The following CSMD1 variants were observed in gnomAD, a reference collection of about 807,000 sequenced individuals.
CSMD1 encodes the protein CUB and sushi domain-containing protein 1.
Under a neutral mutation model 417.5 loss-of-function variants are expected in CSMD1, and 213 were observed. That is an observed-to-expected ratio of 0.51 (90% CI 0.46 to 0.57). The LOEUF (loss-of-function observed/expected upper bound fraction) is 0.57. CSMD1 is among the 20% of genes least tolerant of loss of function. The pLI, the probability that CSMD1 is intolerant of heterozygous loss-of-function variation, is 0.00. For missense variants in CSMD1, 6,923 were observed against 4,529.7 expected (o/e 1.53, Z -15.17); for synonymous variants, 2,862 against 1,736.8 (o/e 1.65, Z -16.11).
intron 3 of CSMD1, among the ~76,000 whole-genome samples, chr8:4,146,792 T>C (rs1804163296): frequency 6.7e-6 from 1 of 149,482 alleles, no homozygotes; most frequent in Non-Finnish European, 1.5e-5. Flanking sequence ...TTTGTATTTT[T>C]AGTAGAGACG....
chr8:3,984,957 T>G (rs973441026), intron 5 of CSMD1, among the ~76,000 whole-genome samples: 1 of 152,000 alleles, frequency 6.6e-6, no homozygotes, highest in Non-Finnish European at 1.5e-5. Context: ...ACTTTAGAAT[T>G]TGGTGAAGAC....
At chr8:3,101,964 G>C (rs1013224715) in intron 46 of CSMD1, among the ~76,000 whole-genome samples, 7 of 151,854 alleles carry the variant, frequency 4.6e-5, no homozygotes, top group Non-Finnish European at 8.8e-5. Flanking sequence ...ACCACATCTG[G>C]CTAATTTTTG....
chr8:3,805,571 G>A lies in CSMD1; in HGVS notation c.819-51529C>T, dbSNP rs189220295. ...ATTTTTTGTTTGTTTGCAAGAAACAGGTGAAACCTTTCTGAATCAGTTTTC... is the reference window on the plus strand; with the variant it reads ...ATTTTTTGTTTGTTTGCAAGAAACAAGTGAAACCTTTCTGAATCAGTTTTC... On this transcript the variant is annotated intron_variant, in intron 5 of 69. Coordinates refer to ENST00000635120, the MANE Select transcript of CSMD1 (RefSeq NM_033225.6). Among the ~76,000 whole-genome samples the A allele has an allele frequency of 1.7e-3, 259 of 152,264 alleles. 1 individual carries two copies. Among genetic ancestry groups the A allele is most frequent in the African/African-American group, 5.9e-3 (245 of 41,568 alleles).
chr8:4,923,888 T>C (rs1357434882), intron 1 of CSMD1, among the ~76,000 whole-genome samples: 4 of 152,214 alleles, frequency 2.6e-5, no homozygotes, highest in Non-Finnish European at 4.4e-5. Context: ...ATCCAAACTT[T>C]ATCTGTATAG....
chr8:3,459,281 GC>G (rs929796717), intron 12 of CSMD1, among the ~76,000 whole-genome samples: 1 of 152,186 alleles, frequency 6.6e-6, no homozygotes, highest in Non-Finnish European at 1.5e-5. Context: ...GCAGGGTGAG[GC>G]GAGGAGAGAC....
intron 3 of CSMD1, among the ~76,000 whole-genome samples, chr8:4,260,207 T>C (rs1410524873): frequency 1.3e-5 from 2 of 152,214 alleles, no homozygotes; most frequent in East Asian, 1.9e-4. Context: ...GTTGCCTATC[T>C]AATTGGGGTG....
intron 21 of CSMD1, among the ~76,000 whole-genome samples, chr8:3,351,826 A>G (rs868579529): frequency 9.9e-5 from 15 of 150,864 alleles, no homozygotes; most frequent in Middle Eastern, 3.5e-3. Context: ...TATTTAATTT[A>G]TATTTTAGTA....
chr8:3,839,963 G>T (rs370752126), intron 5 of CSMD1, among the ~76,000 whole-genome samples: 1 of 152,068 alleles, frequency 6.6e-6, no homozygotes, highest in Admixed American at 6.6e-5. Context: ...GGAGACTGAA[G>T]CATTGGGTGA....
At chr8:3,579,664 G>C (rs1045097082) in intron 9 of CSMD1, among the ~76,000 whole-genome samples, 2 of 152,154 alleles carry the variant, frequency 1.3e-5, no homozygotes, top group Non-Finnish European at 2.9e-5. Context: ...TTCCAGGCCT[G>C]GCTTAGGTAG....
intron 1 of CSMD1, among the ~76,000 whole-genome samples, chr8:4,945,942 C>T (rs1384728988): frequency 6.6e-6 from 1 of 152,266 alleles, no homozygotes; most frequent in Non-Finnish European, 1.5e-5. Context: ...CCGCTGGGAG[C>T]TATGTGCAAG....
At chr8:4,048,020 C>A (rs1315718376) in intron 3 of CSMD1, among the ~76,000 whole-genome samples, 3 of 152,018 alleles carry the variant, frequency 2.0e-5, no homozygotes, top group Admixed American at 1.3e-4. Context: ...GAGATCAAAC[C>A]GTTTTGCCCA....
intron 7 of CSMD1, among the ~76,000 whole-genome samples, chr8:3,656,060 T>G (rs956999356): frequency 1.3e-5 from 2 of 152,060 alleles, no homozygotes; most frequent in African/African-American, 2.4e-5. Context: ...GAGATATATT[T>G]CAAATAATGC....
intron 11 of CSMD1, among the ~76,000 whole-genome samples, chr8:3,480,873 T>G (rs969862178): frequency 2.6e-5 from 4 of 151,914 alleles, no homozygotes; most frequent in Non-Finnish European, 4.4e-5. Context: ...GAGTAGGTGG[T>G]AGGCTGGGGG....
intron 5 of CSMD1, among the ~76,000 whole-genome samples, chr8:3,939,611 C>A (rs1810741209): frequency 6.6e-6 from 1 of 152,016 alleles, no homozygotes; most frequent in Non-Finnish European, 1.5e-5. Context: ...AACATGGAAG[C>A]AATGAAAGTG....
At chr8:3,565,213 G>GAT (rs1554471750) in intron 10 of CSMD1, among the ~76,000 whole-genome samples, 48,524 of 138,814 alleles carry the variant, frequency 0.35, 9,024 homozygotes, top group Non-Finnish European at 0.41. Flanking sequence ...TAGATAGATA[G>GAT]AGAGATAGAC....
intron 5 of CSMD1, among the ~76,000 whole-genome samples, chr8:3,807,217 T>C (rs41525447): frequency 0.031 from 4,720 of 152,290 alleles, 173 homozygotes; most frequent in African/African-American, 0.084. Flanking sequence ...AGCCAGGACA[T>C]TGATAAACCT....
At chr8:4,681,475 T>G (rs2617016) in intron 1 of CSMD1, among the ~76,000 whole-genome samples, 4 of 152,064 alleles carry the variant, frequency 2.6e-5, no homozygotes, top group Non-Finnish European at 4.4e-5. Context: ...AAACCACAAA[T>G]GGTGAGCACA....
chr8:4,286,583 C>G (rs939070882), intron 3 of CSMD1, among the ~76,000 whole-genome samples: 1 of 152,064 alleles, frequency 6.6e-6, no homozygotes, highest in Non-Finnish European at 1.5e-5. Context: ...AAAACCAGCA[C>G]CTGATAGCCT....
chr8:3,293,755 T>G (rs1286078117), intron 25 of CSMD1, among the ~76,000 whole-genome samples: 1 of 152,210 alleles, frequency 6.6e-6, no homozygotes, highest in African/African-American at 2.4e-5. Flanking sequence ...GTTTTTAACT[T>G]CTTTGCCATG....
Sources: gnomAD v4.1 joint callset for allele counts (sites outside exome capture counted in the v4.1 genomes callset) on GRCh38, gnomAD v4.1.1 for gene constraint, MANE v1.5 for transcripts, NCBI Gene and HGNC (gene_info 2026-07-23, HGNC 2026-07-21) for gene names.